Variants in SLC4A4 observed in about 807,000 individuals in gnomAD.
SLC4A4 encodes the protein electrogenic sodium bicarbonate cotransporter 1.
In SLC4A4, 27 loss-of-function variants were observed where a neutral mutation model predicts 111.5. The observed-to-expected ratio is 0.24, with a 90% CI of 0.18 to 0.33. SLC4A4 has a LOEUF of 0.33. Among genes scored for constraint, SLC4A4 ranks in the 10% least tolerant of loss-of-function variants. The pLI, the probability that SLC4A4 is intolerant of heterozygous loss-of-function variation, is 1.00. For missense variants in SLC4A4, 909 were observed against 1,315.5 expected, an observed-to-expected ratio of 0.69 and a Z score of 4.78; for synonymous variants, 443 against 463.4, an observed-to-expected ratio of 0.96 and a Z score of 0.57.
rs1219070150 is a variant in SLC4A4 at position 71,466,580 on chromosome 4, A to G, written c.1631+3A>G. The G allele has an allele frequency of 1.9e-6, 3 of 1,613,012 alleles. No individual in the cohort carries two copies. The highest frequency in any genetic ancestry group is 2.5e-6 in the Non-Finnish European group (3 of 1,179,276). On this transcript the variant is annotated splice_donor_region_variant and intron_variant, in intron 13 of 25. Transcript: ENST00000264485. ...AGGCTTCTATTTAATTTCAGCAAGT[A>G]TGTACATACATATTTAATTGCAAAT...
At chr4:71,531,798 C>G (rs4020557) in intron 16 of SLC4A4, among the ~76,000 whole-genome samples, 18 of 82,642 alleles carry the variant, frequency 2.2e-4, no homozygotes, top group East Asian at 1.0e-3. Flanking sequence ...CACACACACA[C>G]ACACACAGAA....
chr4:71,181,941 A>G (rs540920545), intron 2 of SLC4A4, among the ~76,000 whole-genome samples: 40 of 152,336 alleles, frequency 2.6e-4, no homozygotes, highest in African/African-American at 9.1e-4. Flanking sequence ...TGCTGTTATC[A>G]TTACAGAAGG....
At position 71,122,188 on chromosome 4, in the gene SLC4A4, C is replaced by T. The variant is rs541944483; in HGVS notation, c.-2+29396C>T. On this transcript the variant is annotated intron_variant, in intron 2 of 26. Transcript: ENST00000649996. ...AGTGAGACCAAGAACCCACCAATTC[C>T]GGACACACCAGCTACTCAGGAGGCT... Among the ~76,000 whole-genome samples, 498 of 151,998 alleles carry T rather than the reference C, an allele frequency of 3.3e-3. 4 individuals are homozygous for T. Among genetic ancestry groups the T allele is most frequent in the Non-Finnish European group, 5.3e-3 (362 of 67,986 alleles).
At chr4:71,297,788 A>G (rs568727003) in intron 3 of SLC4A4, among the ~76,000 whole-genome samples, 11 of 152,068 alleles carry the variant, frequency 7.2e-5, no homozygotes, top group African/African-American at 2.7e-4. Flanking sequence ...GGGTTTCACC[A>G]TGTTGATTGG....
chr4:71,310,555 T>A lies in SLC4A4; in HGVS notation c.254-28815T>A, dbSNP rs571183789. Among the ~76,000 whole-genome samples, 5 of 152,266 alleles carry A rather than the reference T, an allele frequency of 3.3e-5. No individual in the cohort carries two copies. The South Asian group carries it at 1.0e-3, about 32-fold the overall frequency. ...TATTCAATAGTTTTAAAGAAAAGAATTTTCAACCCAGAATTTCATATCCAG... is the reference window on the plus strand; with the variant it reads ...TATTCAATAGTTTTAAAGAAAAGAAATTTCAACCCAGAATTTCATATCCAG... On this transcript the variant is annotated intron_variant, in intron 3 of 25. Transcript: ENST00000264485.
intron 2 of SLC4A4, among the ~76,000 whole-genome samples, chr4:71,116,233 G>T (rs10033068): frequency 0.99 from 150,235 of 152,340 alleles, 74,117 homozygotes; most frequent in East Asian, 1. Context: ...AACAATCCCA[G>T]TATTTGGTAT....
intron 7 of SLC4A4, among the ~76,000 whole-genome samples, chr4:71,440,099 T>A (rs938076707): frequency 6.6e-6 from 1 of 152,160 alleles, no homozygotes; most frequent in African/African-American, 2.4e-5. Flanking sequence ...GTGTCAAATG[T>A]ATTTCTTCAG....
intron 6 of SLC4A4, among the ~76,000 whole-genome samples, chr4:71,394,244 C>T (rs1238471941): frequency 6.6e-6 from 1 of 152,056 alleles, no homozygotes; most frequent in African/African-American, 2.4e-5. Flanking sequence ...AAACTCTCCA[C>T]ATTCTACACA....
chr4:71,300,574 A>G, intron 3 of SLC4A4: 1 of 278,206 alleles, frequency 3.6e-6, no homozygotes, highest in East Asian at 9.9e-5. Context: ...GTAGAGGAAG[A>G]CATTCTGAAG....
At chr4:71,498,630 C>T (rs755643535) in intron 16 of SLC4A4, among the ~76,000 whole-genome samples, 4 of 152,088 alleles carry the variant, frequency 2.6e-5, no homozygotes, top group Non-Finnish European at 5.9e-5. Context: ...ATTTTTGACT[C>T]TCTGATTCTT....
At chr4:71,408,006 T>A (rs1721027939) in intron 7 of SLC4A4, among the ~76,000 whole-genome samples, 2 of 152,318 alleles carry the variant, frequency 1.3e-5, no homozygotes, top group East Asian at 1.9e-4. Flanking sequence ...TAAATGCACA[T>A]CATTATGACC....
intron 3 of SLC4A4, among the ~76,000 whole-genome samples, chr4:71,329,557 G>A (rs1435011184): frequency 6.6e-6 from 1 of 151,934 alleles, no homozygotes; most frequent in Non-Finnish European, 1.5e-5. Flanking sequence ...CTGTTCTTAA[G>A]TATCTTATTT....
intron 9 of SLC4A4, among the ~76,000 whole-genome samples, chr4:71,450,173 A>G (rs1052829218): frequency 5.9e-5 from 9 of 152,326 alleles, no homozygotes; most frequent in African/African-American, 1.9e-4. Context: ...ACATAAAAAC[A>G]TAGCTGTTTC....
chr4:71,419,334 G>C (rs954144835), intron 7 of SLC4A4, among the ~76,000 whole-genome samples: 1 of 152,238 alleles, frequency 6.6e-6, no homozygotes, highest in East Asian at 1.9e-4. Context: ...TCCTTGAGCT[G>C]TGGTGGGCTC....
intron 1 of SLC4A4, among the ~76,000 whole-genome samples, chr4:71,082,769 C>G (rs1325253710): frequency 6.6e-6 from 1 of 151,932 alleles, no homozygotes; most frequent in Non-Finnish European, 1.5e-5. Context: ...CATCTATTTA[C>G]TTCTCCCTAG....
At chr4:71,386,602 G>A (rs1167501311) in intron 6 of SLC4A4, among the ~76,000 whole-genome samples, 1 of 151,512 alleles carries the variant, frequency 6.6e-6, no homozygotes, top group Non-Finnish European at 1.5e-5. Context: ...TTTTTTGGCT[G>A]TATGTATAAT....
intron 3 of SLC4A4, among the ~76,000 whole-genome samples, chr4:71,338,887 G>A (rs1339950889): frequency 6.9e-6 from 1 of 145,704 alleles, no homozygotes; most frequent in African/African-American, 2.5e-5. Context: ...AGAAGCCTGC[G>A]AGGGCATGAG....
intron 4 of SLC4A4, among the ~76,000 whole-genome samples, chr4:71,349,340 G>A (rs1159181770): frequency 6.6e-6 from 1 of 152,156 alleles, no homozygotes; most frequent in Non-Finnish European, 1.5e-5. Context: ...CATCAGCTGA[G>A]ATATGTATAT....
chr4:71,453,731 A>G, intron 12 of SLC4A4, 62 bp downstream of exon 12: 2 of 1,486,984 alleles, frequency 1.3e-6, no homozygotes, highest in Non-Finnish European at 1.9e-6. Context: ...TCACCCCTAC[A>G]GCTCAGTTAG....
Sources: allele counts gnomAD v4.1 joint callset (sites outside exome capture counted in the v4.1 genomes callset), GRCh38; gene constraint gnomAD v4.1.1; transcripts MANE v1.5; gene names NCBI Gene and HGNC (gene_info 2026-07-23, HGNC 2026-07-21).